The following ZNF385D variants were observed in gnomAD, a reference collection of about 807,000 sequenced individuals.
The protein encoded by ZNF385D is zinc finger protein 659.
A neutral mutation model predicts 35.8 loss-of-function variants in ZNF385D; 15 were observed. The ratio of observed to expected loss-of-function variants is 0.42; its 90% CI spans 0.28 to 0.64. ZNF385D has a LOEUF of 0.64. Among genes scored for constraint, ZNF385D ranks in the 30% least tolerant of loss-of-function variants. The probability of loss-of-function intolerance (pLI) is 0.23; values close to 1 mark genes in which losing one functional copy is unlikely to be tolerated. For missense variants in ZNF385D, 474 were observed against 494.6 expected (o/e 0.96, Z 0.39); for synonymous variants, 212 against 186.8 (o/e 1.13, Z -1.10).
At chr3:22,302,022 C>T (rs1222706099) in intron 2 of ZNF385D, among the ~76,000 whole-genome samples, 1 of 151,512 alleles carries the variant, frequency 6.6e-6, no homozygotes, top group African/African-American at 2.4e-5. Context: ...TATTTACTGA[C>T]ATTTATATTG....
At chr3:21,466,514 G>A (rs9845193) in intron 4 of ZNF385D, among the ~76,000 whole-genome samples, 32,945 of 151,900 alleles carry the variant, frequency 0.22, 3,824 homozygotes, top group Middle Eastern at 0.32. Context: ...AACCCCTCCT[G>A]CATACTATTA....
At chr3:21,478,054 T>A (rs1704361942) in intron 4 of ZNF385D, among the ~76,000 whole-genome samples, 1 of 152,144 alleles carries the variant, frequency 6.6e-6, no homozygotes, top group Non-Finnish European at 1.5e-5. Context: ...AATGAGAATT[T>A]TGTTCAGGAA....
At chr3:21,980,953 T>C (rs964682863) in intron 3 of ZNF385D, among the ~76,000 whole-genome samples, 3 of 152,192 alleles carry the variant, frequency 2.0e-5, no homozygotes, top group African/African-American at 7.2e-5. Flanking sequence ...ACATTTTCTT[T>C]ATCCAATCTG....
chr3:21,904,227 C>G (rs796645036), intron 3 of ZNF385D, among the ~76,000 whole-genome samples: 18 of 148,632 alleles, frequency 1.2e-4, no homozygotes, highest in African/African-American at 4.5e-4. Flanking sequence ...TGGCTTGAAC[C>G]CAGGAGGCGG....
rs13074397 is a variant in ZNF385D at position 21,827,940 on chromosome 3, A to C, written c.326-162912T>G. ...AACATATTGTGAGCAATTAATCTTCAACTAGGAATCTACCTGGATAAATGT... is the reference window on the plus strand; with the variant it reads ...AACATATTGTGAGCAATTAATCTTCCACTAGGAATCTACCTGGATAAATGT... On this transcript the variant is annotated intron_variant, in intron 3 of 5. Transcript: ENST00000494108. Among the ~76,000 whole-genome samples, 797 of 152,298 alleles carry C rather than the reference A, an allele frequency of 5.2e-3. 1 individual carries two copies. Among genetic ancestry groups the C allele is most frequent in the Middle Eastern group, 0.01 (3 of 294 alleles).
intron 3 of ZNF385D, among the ~76,000 whole-genome samples, chr3:22,092,865 T>G (rs898240235): frequency 5.9e-5 from 9 of 152,212 alleles, no homozygotes; most frequent in Non-Finnish European, 1.3e-4. Context: ...ATTGTTAGTC[T>G]TCCAGGAATT....
intron 3 of ZNF385D, among the ~76,000 whole-genome samples, chr3:22,093,859 A>G (rs573901728): frequency 7.2e-5 from 11 of 152,278 alleles, no homozygotes; most frequent in African/African-American, 2.6e-4. Flanking sequence ...AGAAAAGTAC[A>G]CATACAGTAA....
intron 3 of ZNF385D, among the ~76,000 whole-genome samples, chr3:21,941,490 C>CA (rs1701514188): frequency 1.6e-5 from 1 of 63,586 alleles, no homozygotes; most frequent in African/African-American, 6.8e-5. Flanking sequence ...TTCCATTACT[C>CA]TTTTTTTTTT....
At chr3:21,663,598 C>A (rs2066301822) in intron 2 of ZNF385D, among the ~76,000 whole-genome samples, 1 of 151,862 alleles carries the variant, frequency 6.6e-6, no homozygotes, top group African/African-American at 2.4e-5. Context: ...TGATGCTGAG[C>A]AAGGTTTCCT....
intron 3 of ZNF385D, among the ~76,000 whole-genome samples, chr3:22,028,017 G>A (rs1697674962): frequency 6.6e-6 from 1 of 152,116 alleles, no homozygotes; most frequent in Admixed American, 6.5e-5. Context: ...CAGTGCACCT[G>A]GTTGCTCACT....
intron 3 of ZNF385D, among the ~76,000 whole-genome samples, chr3:22,117,655 T>C (rs894232434): frequency 1.3e-5 from 2 of 151,990 alleles, no homozygotes; most frequent in Non-Finnish European, 2.9e-5. Flanking sequence ...TACTTTTAAA[T>C]AAACTTAATG....
chr3:21,598,503 T>C (rs2064187615), intron 2 of ZNF385D, among the ~76,000 whole-genome samples: 1 of 152,192 alleles, frequency 6.6e-6, no homozygotes, highest in African/African-American at 2.4e-5. Context: ...ATTATTGGAC[T>C]GTAATTGAAT....
At chr3:22,199,603 T>C (rs1406026041) in intron 2 of ZNF385D, among the ~76,000 whole-genome samples, 1 of 152,112 alleles carries the variant, frequency 6.6e-6, no homozygotes, top group Non-Finnish European at 1.5e-5. Context: ...CACATACGGA[T>C]TGTTACTACT....
At chr3:21,473,613 T>C (rs1559326213) in intron 4 of ZNF385D, among the ~76,000 whole-genome samples, 1 of 152,128 alleles carries the variant, frequency 6.6e-6, no homozygotes, top group African/African-American at 2.4e-5. Context: ...AGTTTTAACC[T>C]GTCTACTAAA....
chr3:21,711,041 T>TTTTTTTTTG (rs1374774225), intron 1 of ZNF385D, among the ~76,000 whole-genome samples: 9 of 118,472 alleles, frequency 7.6e-5, no homozygotes, highest in Non-Finnish European at 1.0e-4. Flanking sequence ...CTCTAAAAGT[T>TTTTTTTTTG]TTTTTTTTTT....
chr3:22,090,118 G>A (rs1340905839), intron 3 of ZNF385D, among the ~76,000 whole-genome samples: 2 of 152,110 alleles, frequency 1.3e-5, no homozygotes, highest in South Asian at 2.1e-4. Context: ...TATTGCAGGC[G>A]TGAGCCACAG....
At chr3:22,095,088 C>CTTTTTTTTTTT (rs10663641) in intron 3 of ZNF385D, among the ~76,000 whole-genome samples, 2 of 121,974 alleles carry the variant, frequency 1.6e-5, no homozygotes, top group Non-Finnish European at 3.3e-5. Context: ...TTCATTCTTT[C>CTTTTTTTTTTT]TTTTTTTTTT....
intron 2 of ZNF385D, among the ~76,000 whole-genome samples, chr3:22,353,803 T>C (rs1696026087): frequency 6.6e-6 from 1 of 152,142 alleles, no homozygotes; most frequent in African/African-American, 2.4e-5. Flanking sequence ...TCCTATTAAC[T>C]GAGCAAATGA....
At chr3:21,742,336 T>G (rs1280679889) in intron 1 of ZNF385D, among the ~76,000 whole-genome samples, 1 of 152,208 alleles carries the variant, frequency 6.6e-6, no homozygotes, top group African/African-American at 2.4e-5. Context: ...CCTTTCCCTC[T>G]TAAGTGTATC....
Sources: gnomAD v4.1 joint callset for allele counts (sites outside exome capture counted in the v4.1 genomes callset) on GRCh38, gnomAD v4.1.1 for gene constraint, MANE v1.5 for transcripts, NCBI Gene and HGNC (gene_info 2026-07-23, HGNC 2026-07-21) for gene names.